IQSEC3: variants seen among roughly 807,000 people sequenced by gnomAD.
IQSEC3 encodes IQ motif and SEC7 domain-containing protein 3.
IQSEC3 carries 50 observed loss-of-function variants against 105.4 expected under a neutral mutation model. That is an observed-to-expected ratio of 0.47 (90% CI 0.38 to 0.60). The LOEUF is 0.60. Among genes scored for constraint, IQSEC3 ranks in the 20% least tolerant of loss-of-function variants. The probability of loss-of-function intolerance (pLI) is 0.00; values close to 1 mark genes in which losing one functional copy is unlikely to be tolerated. For synonymous variants in IQSEC3, 708 were observed against 746.0 expected (o/e 0.95, Z 0.83); for missense variants, 1,415 against 1,630.0 (o/e 0.87, Z 2.27).
chr12:157,484 T>TGGGGGGGGGGGGGGGGGGGGG, intron 6 of IQSEC3, 44 bp from the exon 7 acceptor site: 1 of 642,320 alleles, frequency 1.6e-6, no homozygotes, highest in Admixed American at 3.1e-5. Context: ...CGGGGGAGGG[T>TGGGGGGGGGGGGGGGGGGGGG]GGGCGGGGGC....
At chr12:108,322 T>C (rs868940654) in intron 2 of IQSEC3, among the ~76,000 whole-genome samples, 1 of 152,240 alleles carries the variant, frequency 6.6e-6, no homozygotes, top group Non-Finnish European at 1.5e-5. Context: ...GGAAATAGCA[T>C]ATACAGTGCC....
chr12:78,318 C>T lies in IQSEC3; in HGVS notation c.554+10882C>T, dbSNP rs192872271. 9.8e-4 allele frequency among the ~76,000 whole-genome samples: 147 copies of T among 149,756 alleles called. 1 individual carries two copies. Among genetic ancestry groups the T allele is most frequent in the African/African-American group, 3.6e-3 (143 of 39,650 alleles). ...CCGGGTGCTGGGTGCTGGGTGCGCG[C>T]CCCTCCTCGGCCTCCACGGGCCGCA... On this transcript the variant is annotated intron_variant, in intron 1 of 13. Transcript: ENST00000538872.
rs376118139 is a variant in IQSEC3 at position 125,815 on chromosome 12, C to A, written c.806C>A (p.Ser269Tyr). 1.3e-6 allele frequency: 2 copies of A among 1,527,600 alleles called. No homozygotes were observed. Among genetic ancestry groups the A allele is most frequent in the Non-Finnish European group, 1.7e-6 (2 of 1,143,750 alleles). 94.6% of individuals were successfully genotyped at this position (1,527,600 alleles called of 1,614,324 possible). The change falls in exon 3 of 14, where the codon TCC (serine) becomes TAC (tyrosine). Residue 269 changes from serine to tyrosine, a missense_variant. Around this residue, in one of 6 missense-constraint regions of IQSEC3, gnomAD observed 720 missense variants for 633.0 expected, o/e 1.14. Transcript: ENST00000538872. ...AGGGCTGGCCCCCAGCACAAGGCCT[C>A]CCCCGGCCGGCAGCAGCCTGCCCTG... ...SPRAGPQHKA[S>Y]PGRQQPALAT...
intron 2 of IQSEC3, among the ~76,000 whole-genome samples, chr12:104,761 T>TCCCC (rs1555077443): frequency 6.6e-6 from 1 of 152,224 alleles, no homozygotes. Context: ...GGGGCGCGCT[T>TCCCC]CCGAGAACGG....
At chr12:82,861 T>C (rs933855700) in intron 1 of IQSEC3, among the ~76,000 whole-genome samples, 7 of 152,158 alleles carry the variant, frequency 4.6e-5, no homozygotes, top group Non-Finnish European at 1.0e-4. Context: ...TACAGTAACA[T>C]GCATCCAAAT....
chr12:136,896 A>G (rs1364519755), intron 3 of IQSEC3, among the ~76,000 whole-genome samples: 1 of 152,098 alleles, frequency 6.6e-6, no homozygotes, highest in Non-Finnish European at 1.5e-5. Flanking sequence ...AGAAGTTTCC[A>G]TAGGGAGGAA....
intron 3 of IQSEC3, among the ~76,000 whole-genome samples, chr12:135,816 T>C (rs916332533): frequency 7.9e-5 from 12 of 152,218 alleles, no homozygotes; most frequent in Non-Finnish European, 1.5e-4. Context: ...AATTGAATTG[T>C]GCCAACAAGA....
intron 13 of IQSEC3, among the ~76,000 whole-genome samples, chr12:174,247 C>T (rs1190349904): frequency 6.6e-6 from 1 of 152,170 alleles, no homozygotes; most frequent in Non-Finnish European, 1.5e-5. Flanking sequence ...AGACTATAAC[C>T]CCTGCTTTCA....
intron 1 of IQSEC3, among the ~76,000 whole-genome samples, chr12:98,175 G>A (rs1206453608): frequency 1.3e-5 from 2 of 152,234 alleles, no homozygotes; most frequent in African/African-American, 2.4e-5. Context: ...AAGGCAATGG[G>A]TCGGTGTATC....
Position 139,171 on chromosome 12 carries a change from C to T in IQSEC3, c.1808C>T (p.Ser603Phe). ...GAGCAGCTGAGCAGCAGCAGCACGT[C>T]CACCAAGTCCGCCAAGTCAGGCTCG... ...DLEQLSSSST[S>F]TKSAKSGSEA... The change falls in exon 4 of 14, where the codon TCC (serine) becomes TTC (phenylalanine). Residue 603 changes from serine to phenylalanine, a missense_variant. Transcript: ENST00000538872. The T allele has an allele frequency of 1.3e-6, 2 of 1,578,410 alleles. No individual in the cohort carries two copies. Among genetic ancestry groups the T allele is most frequent in the Non-Finnish European group, 1.7e-6 (2 of 1,164,130 alleles).
intron 3 of IQSEC3, among the ~76,000 whole-genome samples, chr12:126,737 T>C (rs1865428692): frequency 6.6e-6 from 1 of 152,102 alleles, no homozygotes; most frequent in African/African-American, 2.4e-5. Context: ...TGCAAAAAAA[T>C]GAGAATTAAC....
intron 2 of IQSEC3, among the ~76,000 whole-genome samples, chr12:102,120 T>C (rs1197270830): frequency 7.7e-6 from 1 of 129,050 alleles, no homozygotes; most frequent in Non-Finnish European, 1.6e-5. Context: ...TCAGTCTGGC[T>C]CCTCCCCCGT....
intron 1 of IQSEC3, among the ~76,000 whole-genome samples, chr12:70,568 G>T (rs1295044558): frequency 2.6e-5 from 4 of 152,236 alleles, no homozygotes; most frequent in Non-Finnish European, 5.9e-5. Context: ...TTCAATCAAG[G>T]CTCACGGCAT....
Position 141,185 on chromosome 12 carries a change from G to T in IQSEC3, c.2053G>T (p.Gly685Cys). ...SRGFIPDTPI[G>C]VAHFLLQRKG... is the part of the protein sequence containing the mutation. ...CGGCTTCATCCCGGACACCCCCATC[G>T]GTGTGGCCCATTTCCTCCTCCAGCG... The change falls in exon 5 of 14, where the codon GGT (glycine) becomes TGT (cysteine). Residue 685 changes from glycine (G) to cysteine (C), a missense_variant. Physicochemically the swap from Gly to Cys is radical, Grantham distance 159 (BLOSUM62 -3). Transcript: ENST00000538872. 1 of 1,569,878 alleles carries T rather than the reference G, an allele frequency of 6.4e-7. No homozygotes were observed.
intron 11 of IQSEC3, among the ~76,000 whole-genome samples, chr12:168,314 T>C (rs782224776): frequency 6.6e-6 from 1 of 152,184 alleles, no homozygotes; most frequent in Non-Finnish European, 1.5e-5. Context: ...GGCTTGTAGC[T>C]TCCACACCCT....
intron 2 of IQSEC3, among the ~76,000 whole-genome samples, chr12:106,053 G>A (rs1051784405): frequency 6.6e-5 from 10 of 152,232 alleles, no homozygotes; most frequent in Non-Finnish European, 1.3e-4. Context: ...ACCCATGAGA[G>A]AGAGGAAGCA....
At chr12:171,001 G>A (rs1321878034) in intron 12 of IQSEC3, 111 bp from the exon 13 acceptor site, 5 of 1,333,068 alleles carry the variant, frequency 3.8e-6, no homozygotes, top group Non-Finnish European at 5.3e-6. Flanking sequence ...CCTCAGTGAG[G>A]AGCAGTGTGA....
intron 2 of IQSEC3, among the ~76,000 whole-genome samples, chr12:101,292 A>C (rs552348662): frequency 2.0e-5 from 3 of 152,268 alleles, no homozygotes; most frequent in Non-Finnish European, 4.4e-5. Flanking sequence ...GCACGCCAGA[A>C]TGTAGGTAGA....
At chr12:123,478 T>C (rs1198840136) in intron 2 of IQSEC3, among the ~76,000 whole-genome samples, 1 of 152,162 alleles carries the variant, frequency 6.6e-6, no homozygotes. Flanking sequence ...CATCTAGAGC[T>C]ATATTGAGCC....
Sources: gnomAD v4.1 joint callset for allele counts (sites outside exome capture counted in the v4.1 genomes callset) on GRCh38, gnomAD v4.1.1 for gene constraint, gnomAD v4.1.1 regional missense constraint, MANE v1.5 for transcripts, NCBI Gene and HGNC (gene_info 2026-07-23, HGNC 2026-07-21) for gene names.